Variants in DLG2 observed in about 807,000 individuals in gnomAD.
The protein encoded by DLG2 is disks large homolog 2.
Under a neutral mutation model 132.5 loss-of-function variants are expected in DLG2, and 45 were observed. That is an observed-to-expected ratio of 0.34 (90% CI 0.27 to 0.44). The LOEUF (loss-of-function observed/expected upper bound fraction) is 0.44. Among genes scored for constraint, DLG2 ranks in the 20% least tolerant of loss-of-function variants. DLG2 has a pLI of 1.00. For synonymous variants in DLG2, 424 were observed against 419.6 expected (o/e 1.01, Z -0.13); for missense variants, 1,045 against 1,196.9 (o/e 0.87, Z 1.87).
intron 3 of DLG2, among the ~76,000 whole-genome samples, chr11:85,583,912 G>A (rs2078793149): frequency 6.6e-6 from 1 of 152,152 alleles, no homozygotes; most frequent in Admixed American, 6.5e-5. Context: ...GTTTTTTAAT[G>A]TGTTTATGAT....
intron 4 of DLG2, among the ~76,000 whole-genome samples, chr11:85,174,565 C>T (rs577930232): frequency 4.6e-5 from 7 of 152,042 alleles, no homozygotes; most frequent in Non-Finnish European, 1.0e-4. Flanking sequence ...TCTAGAGAAC[C>T]AAGAGAAAAT....
At chr11:84,291,685 A>G (rs2098001124) in intron 7 of DLG2, among the ~76,000 whole-genome samples, 1 of 152,202 alleles carries the variant, frequency 6.6e-6, no homozygotes, top group Non-Finnish European at 1.5e-5. Flanking sequence ...TCATGTAAAA[A>G]CAAGTCAATT....
At chr11:84,621,530 A>C (rs556939875) in intron 6 of DLG2, among the ~76,000 whole-genome samples, 1 of 152,326 alleles carries the variant, frequency 6.6e-6, no homozygotes, top group African/African-American at 2.4e-5. Flanking sequence ...TCACTCGCTA[A>C]TTGAATAAAA....
intron 18 of DLG2, among the ~76,000 whole-genome samples, chr11:83,653,038 G>A (rs371063286): frequency 2.6e-5 from 4 of 152,206 alleles, no homozygotes; most frequent in African/African-American, 9.7e-5. Flanking sequence ...GCTAGAAAAT[G>A]TTGGTGGCAG....
chr11:85,042,123 G>A (rs926835367), intron 6 of DLG2, among the ~76,000 whole-genome samples: 1 of 151,890 alleles, frequency 6.6e-6, no homozygotes, highest in Non-Finnish European at 1.5e-5. Context: ...AATGCAATTG[G>A]AGACACATTA....
rs141083930 is a variant in DLG2, at chr11:84,530,578, C to T, written c.519+3992G>A. Among the ~76,000 whole-genome samples, 1,504 of 152,244 alleles carry T rather than the reference C, an allele frequency of 9.9e-3. 26 individuals carry two copies. Among genetic ancestry groups the T allele is most frequent in the African/African-American group, 0.033 (1,389 of 41,550 alleles). On this transcript the variant is annotated intron_variant, in intron 7 of 27. Coordinates refer to ENST00000376104, the MANE Select transcript of DLG2 (RefSeq NM_001142699.3). ...TGCAAATCAAAACCACAAAGAGATA[C>T]CGTCTTACACCAGTTAGAATGGCTT...
At chr11:83,893,574 C>G (rs145293004) in intron 15 of DLG2, among the ~76,000 whole-genome samples, 2 of 152,316 alleles carry the variant, frequency 1.3e-5, no homozygotes, top group East Asian at 3.9e-4. Flanking sequence ...TAAAGGTGTT[C>G]CATTCCCATC....
chr11:83,802,984 C>A (rs1354945992), intron 17 of DLG2, among the ~76,000 whole-genome samples: 5 of 151,856 alleles, frequency 3.3e-5, no homozygotes, highest in Non-Finnish European at 5.9e-5. Flanking sequence ...TATGTTGTAT[C>A]ATAACAATTT....
At chr11:83,849,701 G>A (rs970861958) in intron 16 of DLG2, among the ~76,000 whole-genome samples, 3 of 150,820 alleles carry the variant, frequency 2.0e-5, no homozygotes, top group African/African-American at 7.3e-5. Flanking sequence ...GCTTTGCAAG[G>A]GCAGATGCAG....
intron 7 of DLG2, among the ~76,000 whole-genome samples, chr11:84,477,651 C>A (rs1290677046): frequency 3.3e-5 from 5 of 152,086 alleles, no homozygotes; most frequent in Non-Finnish European, 7.4e-5. Flanking sequence ...TTTTGTTTTG[C>A]TTGTTTTATT....
intron 6 of DLG2, among the ~76,000 whole-genome samples, chr11:84,854,124 TC>T (rs748602204): frequency 2.6e-4 from 39 of 151,948 alleles, no homozygotes; most frequent in Non-Finnish European, 5.2e-4. Flanking sequence ...CCAGCCTAGT[TC>T]CCACAAGGCA....
chr11:84,759,790 T>C (rs907703858), intron 6 of DLG2, among the ~76,000 whole-genome samples: 4 of 152,172 alleles, frequency 2.6e-5, no homozygotes, highest in Admixed American at 2.6e-4. Flanking sequence ...AAGTGATCTT[T>C]TTTTTTTCCT....
intron 9 of DLG2, among the ~76,000 whole-genome samples, chr11:84,135,570 G>T (rs1389064561): frequency 6.6e-6 from 1 of 152,090 alleles, no homozygotes; most frequent in African/African-American, 2.4e-5. Context: ...TGAGCAGGCA[G>T]TAGTCAGGCA....
chr11:84,947,829 T>A, intron 6 of DLG2, among the ~76,000 whole-genome samples: 1 of 152,356 alleles, frequency 6.6e-6, no homozygotes, highest in South Asian at 2.1e-4. Flanking sequence ...TCTTTTACTC[T>A]CATAAGTGTC....
chr11:84,331,134 T>C (rs2098456506), intron 7 of DLG2, among the ~76,000 whole-genome samples: 1 of 152,086 alleles, frequency 6.6e-6, no homozygotes, highest in Non-Finnish European at 1.5e-5. Context: ...AAGCAAGAGG[T>C]TTGAATTTAT....
At chr11:84,448,845 T>C (rs1323246532) in intron 7 of DLG2, among the ~76,000 whole-genome samples, 4 of 152,044 alleles carry the variant, frequency 2.6e-5, no homozygotes, top group Non-Finnish European at 5.9e-5. Flanking sequence ...TACATAGTCC[T>C]CCACACGTGG....
At chr11:84,931,252 A>G (rs565177848) in intron 6 of DLG2, among the ~76,000 whole-genome samples, 2 of 151,898 alleles carry the variant, frequency 1.3e-5, no homozygotes, top group Non-Finnish European at 2.9e-5. Context: ...TTATTTCATC[A>G]CCCAGGTATT....
chr11:85,367,791 C>G (rs532171000), intron 3 of DLG2, among the ~76,000 whole-genome samples: 12 of 152,132 alleles, frequency 7.9e-5, no homozygotes, highest in Non-Finnish European at 1.3e-4. Context: ...ATTACTATTA[C>G]CTATTTCGGT....
At chr11:83,840,528 T>C (rs1241662187) in intron 16 of DLG2, among the ~76,000 whole-genome samples, 1 of 152,162 alleles carries the variant, frequency 6.6e-6, no homozygotes, top group Non-Finnish European at 1.5e-5. Flanking sequence ...TATAGCAAAC[T>C]GGAAGACACA....
Sources: gnomAD v4.1 joint callset for allele counts (sites outside exome capture counted in the v4.1 genomes callset) on GRCh38, gnomAD v4.1.1 for gene constraint, MANE v1.5 for transcripts, NCBI Gene and HGNC (gene_info 2026-07-23, HGNC 2026-07-21) for gene names.